The following DPP10 variants were observed in gnomAD, a reference collection of about 807,000 sequenced individuals.
DPP10 encodes the protein inactive dipeptidyl peptidase 10.
In DPP10, 33 loss-of-function variants were observed where a neutral mutation model predicts 120.9. The observed-to-expected ratio is 0.27, with a 90% CI of 0.21 to 0.37. The LOEUF (loss-of-function observed/expected upper bound fraction) is 0.37, where lower values mean the gene tolerates loss of function less well. DPP10 is among the 10% of genes least tolerant of loss of function. The pLI is 1.00. For missense variants in DPP10, 816 were observed against 942.8 expected, an observed-to-expected ratio of 0.87 and a Z score of 1.76; for synonymous variants, 337 against 326.1, an observed-to-expected ratio of 1.03 and a Z score of -0.36.
At chr2:115,499,756 A>T in intron 4 of DPP10, 152 bp downstream of exon 4, 1 of 500,058 alleles carries the variant, frequency 2.0e-6, no homozygotes, top group Non-Finnish European at 3.5e-6. Context: ...CAGTAAATCT[A>T]TTGATAAAAA....
intron 1 of DPP10, among the ~76,000 whole-genome samples, chr2:114,526,124 A>T (rs1410593393): frequency 6.6e-6 from 1 of 152,196 alleles, no homozygotes; most frequent in East Asian, 1.9e-4. Flanking sequence ...TAGTAATCTG[A>T]TTGTGAACAA....
At chr2:115,733,666 G>T (rs1400008046) in intron 8 of DPP10, among the ~76,000 whole-genome samples, 1 of 151,162 alleles carries the variant, frequency 6.6e-6, no homozygotes, top group Non-Finnish European at 1.5e-5. Context: ...GGTCTGAACT[G>T]ACAAACTAAA....
chr2:115,621,066 G>C (rs1233205439), intron 5 of DPP10, among the ~76,000 whole-genome samples: 1 of 152,164 alleles, frequency 6.6e-6, no homozygotes, highest in Non-Finnish European at 1.5e-5. Context: ...TGACAACACT[G>C]ATGTGTGCCA....
chr2:115,420,629 C>T (rs2069855975), intron 3 of DPP10, among the ~76,000 whole-genome samples: 1 of 152,128 alleles, frequency 6.6e-6, no homozygotes, highest in Non-Finnish European at 1.5e-5. Context: ...AGGTAACCAG[C>T]AGCTTCTGAA....
chr2:114,754,420 T>C (rs1394408143), intron 1 of DPP10, among the ~76,000 whole-genome samples: 1 of 152,172 alleles, frequency 6.6e-6, no homozygotes, highest in Non-Finnish European at 1.5e-5. Context: ...CTGCCTTTTA[T>C]GTATAATGAT....
intron 1 of DPP10, among the ~76,000 whole-genome samples, chr2:114,585,384 G>T (rs1260566878): frequency 6.6e-6 from 1 of 152,108 alleles, no homozygotes. Flanking sequence ...ATCTGTGATT[G>T]CCAGATTCAG....
At chr2:115,743,324 C>T (rs939933486) in intron 9 of DPP10, among the ~76,000 whole-genome samples, 5 of 152,178 alleles carry the variant, frequency 3.3e-5, no homozygotes, top group African/African-American at 9.6e-5. Flanking sequence ...GAGATGTTCA[C>T]GTTTTGTCTG....
intron 1 of DPP10, among the ~76,000 whole-genome samples, chr2:114,729,558 G>A (rs1362959449): frequency 1.3e-5 from 2 of 152,184 alleles, no homozygotes; most frequent in African/African-American, 4.8e-5. Context: ...CCCCACAACT[G>A]AAACATCAAA....
chr2:115,439,924 T>C (rs2071870007), intron 3 of DPP10, among the ~76,000 whole-genome samples: 2 of 152,194 alleles, frequency 1.3e-5, no homozygotes, highest in Non-Finnish European at 2.9e-5. Flanking sequence ...TTCTAAAGTC[T>C]AGATTACATT....
intron 1 of DPP10, among the ~76,000 whole-genome samples, chr2:115,188,765 A>G (rs1573944784): frequency 6.6e-6 from 1 of 152,290 alleles, no homozygotes; most frequent in East Asian, 1.9e-4. Context: ...TAGTAAAATT[A>G]TATATACTTT....
intron 1 of DPP10, among the ~76,000 whole-genome samples, chr2:114,506,779 G>A (rs1683698697): frequency 6.6e-6 from 1 of 152,196 alleles, no homozygotes; most frequent in South Asian, 2.1e-4. Context: ...CAGCTAGCCT[G>A]TGAAGGCATC....
chr2:115,301,261 C>T (rs1368387630), intron 1 of DPP10, among the ~76,000 whole-genome samples: 3 of 151,946 alleles, frequency 2.0e-5, no homozygotes, highest in African/African-American at 7.2e-5. Context: ...CATACTCTTG[C>T]AGTTTTCACA....
At chr2:114,663,776 A>T (rs1181058819) in intron 1 of DPP10, among the ~76,000 whole-genome samples, 1 of 151,414 alleles carries the variant, frequency 6.6e-6, no homozygotes, top group Non-Finnish European at 1.5e-5. Flanking sequence ...CTGTGTGACC[A>T]TGAGCGATTT....
chr2:114,595,317 C>T (rs1176075785), intron 1 of DPP10, among the ~76,000 whole-genome samples: 2 of 151,994 alleles, frequency 1.3e-5, no homozygotes, highest in Non-Finnish European at 2.9e-5. Flanking sequence ...GAGTACATCG[C>T]CTACCCACCA....
rs1173600107 is a variant in DPP10, at chr2:114,568,502, C to A, written c.60+125664C>A. On this transcript the variant is annotated intron_variant, in intron 1 of 25. Coordinates refer to ENST00000410059, the MANE Select transcript of DPP10 (RefSeq NM_020868.6). ...TCATTGAGTTCTGTAGTTACCACAA[C>A]AATTTGTGGCTCTAGTCCACGATTT... is the stretch of plus-strand genomic sequence containing the variant. Among the ~76,000 whole-genome samples the A allele has an allele frequency of 2.6e-5, 4 of 152,286 alleles. 1 individual carries two copies. In the Middle Eastern group the frequency reaches 0.014, roughly 518 times the overall value.
chr2:114,990,434 CATCT>C (rs762444781), intron 1 of DPP10, among the ~76,000 whole-genome samples: 41 of 151,942 alleles, frequency 2.7e-4, no homozygotes, highest in African/African-American at 8.9e-4. Context: ...TCTTTTCAGC[CATCT>C]ATCTATTTAT....
rs761498967 is a variant in DPP10 at position 115,681,789 on chromosome 2, TTTCTCTTCCTTC to T, written c.442-7897_442-7886del. Among the ~76,000 whole-genome samples the T allele has an allele frequency of 9.4e-4, 69 of 73,088 alleles. 1 individual carries two copies. The highest frequency in any genetic ancestry group is 6.1e-3 in the East Asian group (8 of 1,316). 47.9% of individuals were successfully genotyped at this position (73,088 alleles called of 152,430 possible). ...CTCCTTCTCTCTCTTTCTTTCTTTCTTTCTCTTCCTTCCTTCCTTCCTTCCTTCCTTCTTTCT... is the reference window on the plus strand; with the variant it reads ...CTCCTTCTCTCTCTTTCTTTCTTTCTCTTCCTTCCTTCCTTCCTTCTTTCT... On this transcript the variant is annotated intron_variant, in intron 5 of 25. Coordinates refer to ENST00000410059, the MANE Select transcript of DPP10 (RefSeq NM_020868.6).
intron 5 of DPP10, among the ~76,000 whole-genome samples, chr2:115,619,651 G>T (rs2084799705): frequency 6.6e-6 from 1 of 152,140 alleles, no homozygotes; most frequent in African/African-American, 2.4e-5. Context: ...TCAGTCAAGT[G>T]TCACATACAC....
At chr2:115,795,742 A>T (rs17045001) in intron 19 of DPP10, among the ~76,000 whole-genome samples, 2,768 of 152,256 alleles carry the variant, frequency 0.018, 86 homozygotes, top group African/African-American at 0.061. Flanking sequence ...AGATAACATC[A>T]TTGCTGGTTT....
Sources: allele counts gnomAD v4.1 joint callset (sites outside exome capture counted in the v4.1 genomes callset), GRCh38; gene constraint gnomAD v4.1.1; transcripts MANE v1.5; gene names NCBI Gene and HGNC (gene_info 2026-07-23, HGNC 2026-07-21).